The following ITGA8 variants were observed in gnomAD, a reference collection of about 807,000 sequenced individuals.
ITGA8 encodes the protein integrin alpha-8.
In ITGA8, 91 loss-of-function variants were observed where a neutral mutation model predicts 142.3. The ratio of observed to expected loss-of-function variants is 0.64; its 90% CI spans 0.54 to 0.76. The LOEUF is 0.76. ITGA8 is among the 30% of genes least tolerant of loss of function. ITGA8 has a pLI of 0.00. For synonymous variants in ITGA8, 505 were observed against 485.2 expected, an observed-to-expected ratio of 1.04 and a Z score of -0.54; for missense variants, 1,406 against 1,327.7, an observed-to-expected ratio of 1.06 and a Z score of -0.92.
At chr10:15,639,420 C>A (rs1833830235) in intron 13 of ITGA8, among the ~76,000 whole-genome samples, 1 of 152,188 alleles carries the variant, frequency 6.6e-6, no homozygotes, top group Non-Finnish European at 1.5e-5. Flanking sequence ...ATCTCAGAGT[C>A]AGTCATCACA....
rs1361841111 is a variant in ITGA8, at chr10:15,514,889, T to G, written c.*2269A>C. The stretch of plus-strand genomic sequence containing the variant: ...CACTTTGGAGCCCTCATGCCTTGCT[T>G]CATTCTGGGTCTCAGTCTTCCTCCT... On this transcript the variant is annotated 3_prime_UTR_variant, in exon 30 of 30. Transcript: ENST00000378076. The G allele has an allele frequency of 6.6e-6, 1 of 152,358 alleles. No homozygotes were observed. 9.4% of individuals were successfully genotyped at this position (152,358 alleles called of 1,614,324 possible). A position where few individuals can be genotyped will look rare whatever the true frequency, so the allele number is the denominator to read the frequency against.
chr10:15,633,602 T>C (rs10795313), intron 13 of ITGA8, among the ~76,000 whole-genome samples: 100,708 of 151,798 alleles, frequency 0.66, 35,363 homozygotes, highest in South Asian at 0.86. Context: ...GTATTTTTAG[T>C]AGAGACAGGG....
Position 15,719,679 on chromosome 10 carries a change from C to A in ITGA8, c.93G>T (p.Leu31=). 1 of 1,490,176 alleles carries A rather than the reference C, an allele frequency of 6.7e-7. No individual in the cohort carries two copies. The highest frequency in any genetic ancestry group is 8.8e-7 in the Non-Finnish European group (1 of 1,130,120). 92.3% of individuals were successfully genotyped at this position (1,490,176 alleles called of 1,614,324 possible). A position where few individuals can be genotyped will look rare whatever the true frequency, so the allele number is the denominator to read the frequency against. The change falls in exon 1 of 30, where the codon CTG becomes CTT. Residue 31 remains leucine, a synonymous_variant. Coordinates refer to ENST00000378076, the MANE Select transcript of ITGA8 (RefSeq NM_003638.3). ...CCAAAALGML[L]WSPACQAFNL... ...TGAACGCCTGACAGGCGGGGGACCA[C>A]AGCAACATCCCCAGCGCGGCCGCGG...
intron 28 of ITGA8, among the ~76,000 whole-genome samples, chr10:15,520,401 A>G (rs1833036268): frequency 6.6e-6 from 1 of 152,214 alleles, no homozygotes; most frequent in Non-Finnish European, 1.5e-5. Flanking sequence ...CAACAGGGTG[A>G]CACTCTTCTT....
intron 28 of ITGA8, among the ~76,000 whole-genome samples, chr10:15,521,481 G>A (rs1330242049): frequency 6.6e-6 from 1 of 152,098 alleles, no homozygotes; most frequent in African/African-American, 2.4e-5. Context: ...TCATTTATAT[G>A]TACACTAATA....
chr10:15,572,431 C>T lies in ITGA8; in HGVS notation c.2479-62G>A. 4.1e-6 allele frequency: 6 copies of T among 1,455,064 alleles called. No homozygotes were observed. The South Asian group carries it at 7.3e-5, about 18-fold the overall frequency. The allele number at this position is 1,455,064 out of a possible 1,614,324, so 90.1% of individuals were successfully genotyped here. ...GAAGGCAGAGAGATAAAATCAAACT[C>T]CATATACTCTATACCCATTTTAGAA... On this transcript the variant is annotated intron_variant, in intron 24 of 29. Transcript: ENST00000378076.
chr10:15,648,607 G>C (rs1022375914), intron 11 of ITGA8, among the ~76,000 whole-genome samples: 10 of 151,820 alleles, frequency 6.6e-5, no homozygotes, highest in African/African-American at 2.4e-4. Flanking sequence ...TCCATATCAA[G>C]TGGCTCATAC....
At chr10:15,629,439 T>C (rs12359169) in intron 13 of ITGA8, among the ~76,000 whole-genome samples, 50,508 of 151,846 alleles carry the variant, frequency 0.33, 8,895 homozygotes, top group South Asian at 0.56. Context: ...ATCTATGTTA[T>C]CTTATATGAA....
intron 29 of ITGA8, among the ~76,000 whole-genome samples, chr10:15,518,245 C>T (rs540966833): frequency 6.6e-6 from 1 of 152,334 alleles, no homozygotes; most frequent in South Asian, 2.1e-4. Context: ...ATGTTGGAAG[C>T]CAATTAACTG....
intron 13 of ITGA8, among the ~76,000 whole-genome samples, chr10:15,626,872 G>C (rs2131629507): frequency 6.6e-6 from 1 of 152,322 alleles, no homozygotes; most frequent in South Asian, 2.1e-4. Flanking sequence ...TTGCAGCCTA[G>C]AGAACTGGTA....
rs186825432 is a variant in ITGA8 at position 15,702,103 on chromosome 10, C to A, written c.344-14065G>T. ...ATACTCCAAAACCACTCTGAAAAACCTTTAAAGAATATCACAGTTTTCCTT... is the reference window on the plus strand; with the variant it reads ...ATACTCCAAAACCACTCTGAAAAACATTTAAAGAATATCACAGTTTTCCTT... On this transcript the variant is annotated intron_variant, in intron 2 of 29. Coordinates refer to ENST00000378076, the MANE Select transcript of ITGA8 (RefSeq NM_003638.3). Among the ~76,000 whole-genome samples, 212 of 152,108 alleles carry A rather than the reference C, an allele frequency of 1.4e-3. 1 individual carries two copies. Among genetic ancestry groups the A allele is most frequent in the African/African-American group, 4.9e-3 (205 of 41,496 alleles).
At chr10:15,677,888 G>C (rs1240883902) in intron 5 of ITGA8, among the ~76,000 whole-genome samples, 1 of 152,116 alleles carries the variant, frequency 6.6e-6, no homozygotes, top group African/African-American at 2.4e-5. Context: ...TCTCCCTTGA[G>C]AGAGATAAAT....
At chr10:15,613,806 C>T in intron 14 of ITGA8, 39 bp from the exon 15 acceptor site, 1 of 1,439,186 alleles carries the variant, frequency 6.9e-7, no homozygotes, top group South Asian at 1.1e-5. Flanking sequence ...AAATAAAACA[C>T]AAGGGTGATA....
intron 2 of ITGA8, among the ~76,000 whole-genome samples, chr10:15,693,148 C>G (rs1328207191): frequency 6.6e-6 from 1 of 152,186 alleles, no homozygotes; most frequent in Non-Finnish European, 1.5e-5. Context: ...CTATTTCACA[C>G]ATGGTTCTAA....
chr10:15,581,095 G>T (rs1834399076), intron 23 of ITGA8, among the ~76,000 whole-genome samples: 1 of 152,182 alleles, frequency 6.6e-6, no homozygotes, highest in South Asian at 2.1e-4. Context: ...GAATCACAAT[G>T]GATATCCTAA....
At chr10:15,558,498 A>G (rs1833922543) in intron 25 of ITGA8, among the ~76,000 whole-genome samples, 1 of 152,174 alleles carries the variant, frequency 6.6e-6, no homozygotes, top group African/African-American at 2.4e-5. Context: ...AGGATAGAAA[A>G]CATGCAAGTG....
Position 15,671,635 on chromosome 10 carries a change from GC to G in ITGA8, c.814del (p.Ala272LeufsTer35). ...AGAATCCCCAGTAAACTCCCCAGCA[GC>G]AACTGAGTATCCTGTTTTAAAGAAA... ...YDDSYLGYSV[A>X]AGEFTGDSQQ... is the part of the protein sequence containing the mutation. On this transcript the variant is annotated frameshift_variant, in exon 8 of 30. Transcript: ENST00000378076. LOFTEE classifies it high-confidence loss of function. 1 of 1,612,206 alleles carries G rather than the reference GC, an allele frequency of 6.2e-7. No homozygotes were observed. The highest frequency in any genetic ancestry group is 8.5e-7 in the Non-Finnish European group (1 of 1,178,508).
At chr10:15,518,882 A>G (rs1380175279) in intron 29 of ITGA8, among the ~76,000 whole-genome samples, 1 of 152,256 alleles carries the variant, frequency 6.6e-6, no homozygotes, top group Admixed American at 6.5e-5. Flanking sequence ...CATAGTGCTT[A>G]TAAAAAATGT....
intron 20 of ITGA8, among the ~76,000 whole-genome samples, chr10:15,599,973 A>T (rs1368898376): frequency 6.6e-6 from 1 of 152,172 alleles, no homozygotes; most frequent in African/African-American, 2.4e-5. Flanking sequence ...TGGACCTAAC[A>T]GTTGATGTTT....
Sources: allele counts gnomAD v4.1 joint callset (sites outside exome capture counted in the v4.1 genomes callset), GRCh38; gene constraint gnomAD v4.1.1; transcripts MANE v1.5; gene names NCBI Gene and HGNC (gene_info 2026-07-23, HGNC 2026-07-21).